ETV6: variants seen among roughly 807,000 people sequenced by gnomAD.
ETV6 encodes the protein ETS variant transcription factor 6, also known as transcription factor ETV6.
ETV6 carries 16 observed loss-of-function variants against 51.1 expected under a neutral mutation model. The observed-to-expected ratio is 0.31, with a 90% confidence interval of 0.21 to 0.48. ETV6 has a LOEUF of 0.48. Ranked by LOEUF, ETV6 falls within the 20% of genes least tolerant of loss-of-function variation. The pLI, the probability that ETV6 is intolerant of heterozygous loss-of-function variation, is 0.99. For synonymous variants in ETV6, 240 were observed against 224.1 expected (o/e 1.07, Z -0.64); for missense variants, 458 against 594.8 (o/e 0.77, Z 2.39).
At chr12:11,840,287 G>A (rs1946370453) in intron 3 of ETV6, among the ~76,000 whole-genome samples, 1 of 152,212 alleles carries the variant, frequency 6.6e-6, no homozygotes, top group South Asian at 2.1e-4. Context: ...TGCTCATGTG[G>A]ATAAGGCTTC....
chr12:11,870,792 G>C (rs1946869750), intron 5 of ETV6, among the ~76,000 whole-genome samples: 1 of 152,180 alleles, frequency 6.6e-6, no homozygotes, highest in Admixed American at 6.5e-5. Context: ...AGAATATAGT[G>C]GGAGAGACAA....
At chr12:11,814,082 GC>G (rs1442322878) in intron 2 of ETV6, among the ~76,000 whole-genome samples, 9 of 152,122 alleles carry the variant, frequency 5.9e-5, no homozygotes, top group Non-Finnish European at 1.3e-4. Context: ...GAATTGCAAA[GC>G]TATTATTAAC....
At chr12:11,687,911 C>T (rs1367625298) in intron 1 of ETV6, among the ~76,000 whole-genome samples, 1 of 152,250 alleles carries the variant, frequency 6.6e-6, no homozygotes, top group Non-Finnish European at 1.5e-5. Context: ...CAGCAGCCAG[C>T]ATTTACTGAG....
chr12:11,805,584 T>C lies in ETV6; in HGVS notation c.164-33556T>C, dbSNP rs541563340. 2.6e-4 allele frequency among the ~76,000 whole-genome samples: 40 copies of C among 152,266 alleles called. No homozygotes were observed. In the East Asian group the frequency reaches 7.1e-3, roughly 27 times the overall value. On this transcript the variant is annotated intron_variant, in intron 2 of 7. Coordinates refer to ENST00000396373, the MANE Select transcript of ETV6 (RefSeq NM_001987.5). ...GACTTGAAAGCTAAGTAGGAGTTAA[T>C]TGGGCAAAGAAGAAGGTAGGATTAT...
chr12:11,754,312 A>AG (rs764852906), intron 2 of ETV6, among the ~76,000 whole-genome samples: 2 of 152,202 alleles, frequency 1.3e-5, no homozygotes, highest in African/African-American at 2.4e-5. Flanking sequence ...TCTAGCACAG[A>AG]GAAAAAAAAA....
chr12:11,771,361 C>T (rs1313918367), intron 2 of ETV6, among the ~76,000 whole-genome samples: 1 of 152,192 alleles, frequency 6.6e-6, no homozygotes, highest in Non-Finnish European at 1.5e-5. Context: ...TTTTCAGTAT[C>T]TCCCACTTTG....
At chr12:11,792,559 C>T (rs368304811) in intron 2 of ETV6, among the ~76,000 whole-genome samples, 4 of 152,086 alleles carry the variant, frequency 2.6e-5, no homozygotes, top group South Asian at 2.1e-4. Context: ...TGGTGGCGCA[C>T]GCCTGTAATC....
At chr12:11,822,582 G>A (rs1191470337) in intron 2 of ETV6, among the ~76,000 whole-genome samples, 4 of 152,092 alleles carry the variant, frequency 2.6e-5, no homozygotes, top group South Asian at 2.1e-4. Flanking sequence ...TGCTTTCCAC[G>A]GGCCTCCGGG....
intron 4 of ETV6, among the ~76,000 whole-genome samples, chr12:11,863,755 G>C (rs576132155): frequency 6.6e-6 from 1 of 152,202 alleles, no homozygotes; most frequent in Admixed American, 6.5e-5. Flanking sequence ...CTCTGGTCTC[G>C]TAAGTTTCCA....
chr12:11,894,988 G>A lies in ETV6; in HGVS notation c.*3942G>A, dbSNP rs1947371017. On this transcript the variant is annotated 3_prime_UTR_variant, in exon 8 of 8. Transcript: ENST00000396373. ...TCTTCGGAGTAGAAATAAAGGCTGT[G>A]ACACAAGGAAGCCAGTGGGGTGGGA... 3 of 233,584 alleles carry A rather than the reference G, an allele frequency of 1.3e-5. No individual in the cohort carries two copies. The highest frequency in any genetic ancestry group is 5.6e-5 in the Admixed American group (1 of 17,776). The allele number at this position is 233,584 out of a possible 1,614,324, so 14.5% of individuals were successfully genotyped here.
chr12:11,768,745 G>C (rs541055963), intron 2 of ETV6, among the ~76,000 whole-genome samples: 1 of 152,328 alleles, frequency 6.6e-6, no homozygotes, highest in Admixed American at 6.5e-5. Context: ...CTCTGAAAGA[G>C]AGCCTGTTCT....
chr12:11,747,979 T>TAC (rs1370816072), intron 1 of ETV6, among the ~76,000 whole-genome samples: 4 of 152,230 alleles, frequency 2.6e-5, no homozygotes, highest in Non-Finnish European at 5.9e-5. Flanking sequence ...TCTGTAGAAG[T>TAC]TGACGACGGT....
At chr12:11,760,920 ATATGTG>A (rs1945077273) in intron 2 of ETV6, among the ~76,000 whole-genome samples, 1 of 126,246 alleles carries the variant, frequency 7.9e-6, no homozygotes, top group Non-Finnish European at 1.8e-5. Flanking sequence ...ATATAAAAGT[ATATGTG>A]TGTGTGTGTA....
rs1455375108 is a variant in ETV6 at position 11,869,604 on chromosome 12, C to T, written c.644C>T (p.Ala215Val). The T allele has an allele frequency of 1.2e-6, 2 of 1,614,194 alleles. No homozygotes were observed. The highest frequency in any genetic ancestry group is 2.2e-5 in the South Asian group (2 of 91,070). ...LDNMIRRLSP[A>V]ERAQGPRPHQ... is the part of the protein sequence containing the mutation. ...AACATGATCCGCCGCCTCTCCCCGG[C>T]TGAGAGAGCTCAGGGACCCAGGCCG... Residue 215 changes from alanine to valine, a missense_variant, in exon 5 of 8, where the codon GCT becomes GTT. Physicochemically the swap from Ala to Val is moderately conservative, Grantham distance 64. Transcript: ENST00000396373. The surrounding 1 kb of genome is among the most constrained non-coding windows in gnomAD (Gnocchi z 5.0).
chr12:11,751,418 A>G (rs1484747525), intron 1 of ETV6: 3 of 518,830 alleles, frequency 5.8e-6, no homozygotes, highest in African/African-American at 1.9e-5. Context: ...TCCATTTTAC[A>G]TTGCCCAGTT....
intron 1 of ETV6, among the ~76,000 whole-genome samples, chr12:11,734,396 C>T (rs1215524704): frequency 1.3e-5 from 2 of 151,776 alleles, no homozygotes; most frequent in African/African-American, 2.4e-5. Context: ...TGCTTGAGCT[C>T]AGGAGTTCGA....
chr12:11,746,711 T>G (rs1591646029), intron 1 of ETV6, among the ~76,000 whole-genome samples: 1 of 151,840 alleles, frequency 6.6e-6, no homozygotes, highest in Non-Finnish European at 1.5e-5. Context: ...TATTTCTTAA[T>G]CATAGGGAGA....
intron 4 of ETV6, among the ~76,000 whole-genome samples, chr12:11,865,521 G>A (rs1030980611): frequency 1.3e-5 from 2 of 150,246 alleles, no homozygotes; most frequent in Non-Finnish European, 3.0e-5. Flanking sequence ...GTGTGTGTTT[G>A]AGCAGTCCCT....
intron 1 of ETV6, among the ~76,000 whole-genome samples, chr12:11,708,450 G>T (rs920843870): frequency 1.3e-5 from 2 of 152,158 alleles, no homozygotes; most frequent in African/African-American, 4.8e-5. Flanking sequence ...GTTTTCTTAA[G>T]GAAACTTGGA....
Sources: allele counts gnomAD v4.1 joint callset (sites outside exome capture counted in the v4.1 genomes callset), GRCh38; gene constraint gnomAD v4.1.1; non-coding constraint Gnocchi (gnomAD v3.1); transcripts MANE v1.5; gene names NCBI Gene and HGNC (gene_info 2026-07-23, HGNC 2026-07-21).